Variants in RIMS1 observed in about 807,000 individuals in gnomAD.
The protein encoded by RIMS1 is regulating synaptic membrane exocytosis 1.
Under a neutral mutation model 214.1 loss-of-function variants are expected in RIMS1, and 83 were observed. That is an observed-to-expected ratio of 0.39 (90% CI 0.32 to 0.47). RIMS1 has a LOEUF of 0.47. Ranked by LOEUF, RIMS1 falls within the 20% of genes least tolerant of loss-of-function variation. RIMS1 has a pLI of 0.99. For synonymous variants in RIMS1, 793 were observed against 786.8 expected (o/e 1.01, Z -0.13); for missense variants, 2,050 against 2,161.8 (o/e 0.95, Z 1.03).
At chr6:72,228,127 CCT>C (rs1376778781) in intron 6 of RIMS1, among the ~76,000 whole-genome samples, 3 of 151,832 alleles carry the variant, frequency 2.0e-5, no homozygotes, top group African/African-American at 4.8e-5. Context: ...AAACTTCCAC[CCT>C]GTTTATTATT....
rs149889050 is a variant in RIMS1 at position 72,377,236 on chromosome 6, A to C, written c.4367-13362A>C. Reference sequence around the variant, plus strand: ...AACCTTGGCTCCGTCCTGTACCTTGAGTGTCCTTGCGCACGTGTTCAAGCT... The same window carrying C: ...AACCTTGGCTCCGTCCTGTACCTTGCGTGTCCTTGCGCACGTGTTCAAGCT... On this transcript the variant is annotated intron_variant, in intron 29 of 33. Coordinates refer to ENST00000521978, the MANE Select transcript of RIMS1 (RefSeq NM_014989.7). 2.5e-3 allele frequency among the ~76,000 whole-genome samples: 377 copies of C among 152,178 alleles called. 1 individual carries two copies. The highest frequency in any genetic ancestry group is 8.3e-3 in the African/African-American group (346 of 41,498).
intron 1 of RIMS1, among the ~76,000 whole-genome samples, chr6:71,957,164 A>G (rs9293858): frequency 0.25 from 37,366 of 152,012 alleles, 4,693 homozygotes; most frequent in East Asian, 0.3. Context: ...CTCTAGAGTA[A>G]TTAGGTCTCT....
At chr6:72,366,045 A>G (rs1450240727) in intron 29 of RIMS1, among the ~76,000 whole-genome samples, 1 of 152,226 alleles carries the variant, frequency 6.6e-6, no homozygotes, top group Non-Finnish European at 1.5e-5. Flanking sequence ...GATAAGGGTT[A>G]ATGGAAATGT....
In RIMS1 at chr6:72,167,460, C is replaced by T. The variant is rs188072726; in HGVS notation, c.472-12115C>T. Among the ~76,000 whole-genome samples the T allele has an allele frequency of 3.3e-5, 5 of 151,930 alleles. No homozygotes were observed. In the East Asian group the frequency reaches 5.8e-4, roughly 18 times the overall value. On this transcript the variant is annotated intron_variant, in intron 4 of 33. Coordinates refer to ENST00000521978, the MANE Select transcript of RIMS1 (RefSeq NM_014989.7). ...TGATCTGATAAAGTGAGTTCAGAAG[C>T]GAATGTGGTTCTCCTCCCTCTTTTT...
chr6:72,110,264 T>C (rs1018540833), intron 4 of RIMS1, among the ~76,000 whole-genome samples: 4 of 152,188 alleles, frequency 2.6e-5, no homozygotes, highest in African/African-American at 9.7e-5. Context: ...TTGATGGCAA[T>C]GGCATTGAAT....
intron 1 of RIMS1, among the ~76,000 whole-genome samples, chr6:71,912,825 T>C (rs1333415613): frequency 6.6e-6 from 1 of 152,188 alleles, no homozygotes. Context: ...AAGTATTTGC[T>C]GTCTACTGTG....
intron 1 of RIMS1, among the ~76,000 whole-genome samples, chr6:71,966,003 T>C (rs2151306105): frequency 6.6e-6 from 1 of 152,330 alleles, no homozygotes; most frequent in African/African-American, 2.4e-5. Context: ...TGGAAATTGC[T>C]GAGGTTACAC....
At chr6:72,098,012 A>T (rs1256281734) in intron 3 of RIMS1, among the ~76,000 whole-genome samples, 5 of 152,192 alleles carry the variant, frequency 3.3e-5, no homozygotes, top group Non-Finnish European at 7.3e-5. Flanking sequence ...AGCTTAATGT[A>T]GAACAGTTAC....
intron 9 of RIMS1, among the ~76,000 whole-genome samples, chr6:72,239,259 G>T (rs1489019962): frequency 6.6e-6 from 1 of 152,134 alleles, no homozygotes; most frequent in Non-Finnish European, 1.5e-5. Flanking sequence ...TTAATAGGAA[G>T]TTACTTAGGA....
Position 71,886,887 on chromosome 6 carries a change from C to CGCCGCCGCCGCTGCTCCTCCTCCT in RIMS1, c.-124_-101dup. 1 of 881,786 alleles carries CGCCGCCGCCGCTGCTCCTCCTCCT rather than the reference C, an allele frequency of 1.1e-6. No homozygotes were observed. Among genetic ancestry groups the CGCCGCCGCCGCTGCTCCTCCTCCT allele is most frequent in the East Asian group, 2.7e-5 (1 of 37,380 alleles). 54.6% of individuals were successfully genotyped at this position (881,786 alleles called of 1,614,324 possible). On this transcript the variant is annotated 5_prime_UTR_variant, in exon 1 of 34. Coordinates refer to ENST00000521978, the MANE Select transcript of RIMS1 (RefSeq NM_014989.7). Reference sequence around the variant, plus strand: ...CCGGCTCTGCTGCTGCTGCTGCTGCCGCCGCCGCCGCTGCTCCTCCTCCTG... The same window carrying CGCCGCCGCCGCTGCTCCTCCTCCT: ...CCGGCTCTGCTGCTGCTGCTGCTGCCGCCGCCGCCGCTGCTCCTCCTCCTGCCGCCGCCGCTGCTCCTCCTCCTG...
chr6:72,066,966 T>C (rs779616164), intron 2 of RIMS1, among the ~76,000 whole-genome samples: 3 of 152,154 alleles, frequency 2.0e-5, no homozygotes, highest in Admixed American at 1.3e-4. Context: ...AAATAAGACC[T>C]GAATCTGGCC....
At chr6:72,014,516 G>A (rs1381088548) in intron 2 of RIMS1, among the ~76,000 whole-genome samples, 1 of 152,094 alleles carries the variant, frequency 6.6e-6, no homozygotes, top group South Asian at 2.1e-4. Context: ...ATCAGTTGTT[G>A]GACATTTGGG....
In RIMS1 at chr6:71,936,587, A is replaced by C. The variant is rs1277024539; in HGVS notation, c.165-32396A>C. Among the ~76,000 whole-genome samples the C allele has an allele frequency of 2.0e-5, 3 of 152,178 alleles. No homozygotes were observed. In the East Asian group the frequency reaches 5.8e-4, roughly 29 times the overall value. On this transcript the variant is annotated intron_variant, in intron 1 of 33. Coordinates refer to ENST00000521978, the MANE Select transcript of RIMS1 (RefSeq NM_014989.7). ...GAACAGTGTTATCTTGAGAAAGAAA[A>C]TAAAGCTTCCTCTATGGAACATGCC... is the stretch of plus-strand genomic sequence containing the variant.
chr6:72,219,875 T>A (rs2009289174), intron 6 of RIMS1, among the ~76,000 whole-genome samples: 1 of 152,096 alleles, frequency 6.6e-6, no homozygotes, highest in African/African-American at 2.4e-5. Context: ...TAAAGTTTGT[T>A]ATTATATTTT....
chr6:71,997,121 C>A (rs9446529), intron 2 of RIMS1, among the ~76,000 whole-genome samples: 20,039 of 152,058 alleles, frequency 0.13, 1,384 homozygotes, highest in South Asian at 0.19. Context: ...TATGAAGTAA[C>A]TTAATTACTT....
At chr6:71,981,351 A>G (rs898026810) in intron 2 of RIMS1, among the ~76,000 whole-genome samples, 1 of 152,258 alleles carries the variant, frequency 6.6e-6, no homozygotes, top group East Asian at 1.9e-4. Context: ...ACATTCATTT[A>G]CCCACTAACT....
At chr6:72,379,495 T>G (rs2098449322) in intron 29 of RIMS1, among the ~76,000 whole-genome samples, 1 of 152,238 alleles carries the variant, frequency 6.6e-6, no homozygotes, top group Non-Finnish European at 1.5e-5. Flanking sequence ...TGCAGCTTAA[T>G]TTTACGGCAT....
intron 2 of RIMS1, among the ~76,000 whole-genome samples, chr6:72,013,620 G>A (rs1432890242): frequency 6.6e-6 from 1 of 152,148 alleles, no homozygotes; most frequent in Non-Finnish European, 1.5e-5. Context: ...CGTTTATAAG[G>A]CTAGGTCTGT....
intron 22 of RIMS1, among the ~76,000 whole-genome samples, chr6:72,273,895 TC>T (rs1199145468): frequency 7.9e-5 from 12 of 152,252 alleles, no homozygotes; most frequent in African/African-American, 2.9e-4. Flanking sequence ...AATTCACACA[TC>T]CCCACCTTTG....
Sources: allele counts gnomAD v4.1 joint callset (sites outside exome capture counted in the v4.1 genomes callset), GRCh38; gene constraint gnomAD v4.1.1; transcripts MANE v1.5; gene names NCBI Gene and HGNC (gene_info 2026-07-23, HGNC 2026-07-21).